The following PDSS2 variants were observed in gnomAD, a reference collection of about 807,000 sequenced individuals.
PDSS2 encodes the protein decaprenyl diphosphate synthase subunit 2.
PDSS2 carries 31 observed loss-of-function variants against 44.5 expected under a neutral mutation model. The observed-to-expected ratio is 0.70, with a 90% CI of 0.52 to 0.94. PDSS2 has a LOEUF of 0.94. Among genes scored for constraint, PDSS2 ranks in the 40% least tolerant of loss-of-function variants. PDSS2 has a pLI of 0.00. For synonymous variants in PDSS2, 157 were observed against 180.3 expected (o/e 0.87, Z 1.03); for missense variants, 452 against 482.2 (o/e 0.94, Z 0.59).
intron 3 of PDSS2, among the ~76,000 whole-genome samples, chr6:107,262,057 C>T (rs961610650): frequency 6.6e-5 from 10 of 151,572 alleles, no homozygotes; most frequent in Admixed American, 4.0e-4. Flanking sequence ...TACAGGCGCC[C>T]GCCACCACGC....
chr6:107,318,913 A>C (rs896327439), intron 2 of PDSS2, among the ~76,000 whole-genome samples: 1 of 152,044 alleles, frequency 6.6e-6, no homozygotes, highest in Non-Finnish European at 1.5e-5. Context: ...ACTTGAACCC[A>C]GGAGACAGAG....
intron 1 of PDSS2, among the ~76,000 whole-genome samples, chr6:107,449,933 T>C (rs1250123742): frequency 6.6e-6 from 1 of 152,186 alleles, no homozygotes; most frequent in African/African-American, 2.4e-5. Flanking sequence ...TTGTTAATCC[T>C]ATCAACCATC....
rs563120917 is a variant in PDSS2, at chr6:107,239,133, C to T, written c.702+6415G>A. On this transcript the variant is annotated intron_variant, in intron 4 of 7. Coordinates refer to ENST00000369037, the MANE Select transcript of PDSS2 (RefSeq NM_020381.4). Reference sequence around the variant, plus strand: ...CTCTACTAAAAATACAAAAATTAGCCGGGCATGGTGGTACACACCTGTAAT... The same window carrying T: ...CTCTACTAAAAATACAAAAATTAGCTGGGCATGGTGGTACACACCTGTAAT... Among the ~76,000 whole-genome samples the T allele has an allele frequency of 4.6e-4, 70 of 152,008 alleles. 1 individual carries two copies. The highest frequency in any genetic ancestry group is 3.9e-4 in the East Asian group (2 of 5,164).
intron 1 of PDSS2, among the ~76,000 whole-genome samples, chr6:107,342,964 T>C (rs1032824826): frequency 1.3e-5 from 2 of 152,082 alleles, no homozygotes; most frequent in Admixed American, 6.6e-5. Flanking sequence ...GAGTGAGTGG[T>C]ACGATTTTAT....
rs145805747 is a variant in PDSS2 at position 107,425,593 on chromosome 6, T to G, written c.296+33397A>C. 4.7e-3 allele frequency among the ~76,000 whole-genome samples: 722 copies of G among 152,324 alleles called. 4 individuals carry two copies. The highest frequency in any genetic ancestry group is 0.016 in the African/African-American group (674 of 41,566). The stretch of plus-strand genomic sequence containing the variant: ...AGCAGCAAAGCATTCAAGGGATGAC[T>G]TGGGTGCTGTTAAACGGATTCAGTT... On this transcript the variant is annotated intron_variant, in intron 1 of 7. Transcript: ENST00000369037.
chr6:107,337,069 ACACACAC>A (rs1777927813), intron 1 of PDSS2, among the ~76,000 whole-genome samples: 8 of 151,108 alleles, frequency 5.3e-5, no homozygotes, highest in Non-Finnish European at 7.4e-5. Context: ...ACACACACAC[ACACACAC>A]AAATAATAAT....
rs899881642 is a variant in PDSS2, at chr6:107,192,523, G to A, written c.1041+1299C>T. 13 of 371,634 alleles carry A rather than the reference G, an allele frequency of 3.5e-5. No homozygotes were observed. In the Admixed American group the frequency reaches 4.4e-4, roughly 13 times the overall value. 23.0% of individuals were successfully genotyped at this position (371,634 alleles called of 1,614,324 possible). On this transcript the variant is annotated intron_variant, in intron 7 of 7. Transcript: ENST00000369037. ...TGCTCCTAGTAAATCTGTAAGAAAA[G>A]CTTCCCACACCCTACCGCAAATGGC...
At chr6:107,334,098 G>T in intron 2 of PDSS2, 100 bp downstream of exon 2, 1 of 1,072,562 alleles carries the variant, frequency 9.3e-7, no homozygotes. Flanking sequence ...ATCTATCTTT[G>T]AATCAGAGAA....
In PDSS2 at chr6:107,245,550, T is replaced by C. The variant is rs372737420; in HGVS notation, c.700A>G (p.Lys234Glu). 4.3e-5 allele frequency: 66 copies of C among 1,551,482 alleles called. No homozygotes were observed. The highest frequency in any genetic ancestry group is 5.7e-5 in the Non-Finnish European group (64 of 1,127,668). The change falls in exon 4 of 8, where the codon AAG (lysine) becomes GAG (glutamate). Residue 234 changes from lysine (K) to glutamate (E), a missense_variant and splice_region_variant. Coordinates refer to ENST00000369037, the MANE Select transcript of PDSS2 (RefSeq NM_020381.4). ...TTTATGACTCTGAAATCCTTTACCTTTGAAGTAGAATTTTCATGATATACT... is the reference window on the plus strand; with the variant it reads ...TTTATGACTCTGAAATCCTTTACCTCTGAAGTAGAATTTTCATGATATACT... ...QGVYHENSTS[K>E]ESYITDDIGI...
rs752079360 is a variant in PDSS2 at position 107,210,546 on chromosome 6, T to C, written c.901A>G (p.Ile301Val). 4 of 1,600,052 alleles carry C rather than the reference T, an allele frequency of 2.5e-6. No homozygotes were observed. Among genetic ancestry groups the C allele is most frequent in the East Asian group, 2.2e-5 (1 of 44,710 alleles). Residue 301 changes from isoleucine to valine, a missense_variant, in exon 6 of 8, where the codon ATT becomes GTT. Transcript: ENST00000369037. ...ATGGAGTCACTGGTCTTTTCTTTAATAAAAGGCTGGACATCAGAATTTATC... is the reference window on the plus strand; with the variant it reads ...ATGGAGTCACTGGTCTTTTCTTTAACAAAAGGCTGGACATCAGAATTTATC... ...HKINSDVQPF[I>V]KEKTSDSMTF...
At chr6:107,225,622 G>A (rs1033809283) in intron 4 of PDSS2, among the ~76,000 whole-genome samples, 4 of 152,040 alleles carry the variant, frequency 2.6e-5, no homozygotes, top group African/African-American at 9.7e-5. Flanking sequence ...CACAGATGAA[G>A]TTCGTGATTA....
chr6:107,358,844 A>T (rs1023196769), intron 1 of PDSS2, among the ~76,000 whole-genome samples: 1 of 152,068 alleles, frequency 6.6e-6, no homozygotes, highest in Non-Finnish European at 1.5e-5. Context: ...TAATAGCCAA[A>T]AATGTCTCTA....
chr6:107,243,198 A>G (rs955462695), intron 4 of PDSS2, among the ~76,000 whole-genome samples: 1 of 152,216 alleles, frequency 6.6e-6, no homozygotes, highest in South Asian at 2.1e-4. Flanking sequence ...ACATGTTAAT[A>G]TATTAACAAA....
intron 4 of PDSS2, among the ~76,000 whole-genome samples, chr6:107,241,352 T>C (rs1774421104): frequency 2.2e-5 from 3 of 136,830 alleles, no homozygotes; most frequent in South Asian, 2.7e-4. Context: ...TTCTTTTTTT[T>C]TTTTTTTTTT....
chr6:107,204,231 G>A lies in PDSS2; in HGVS notation c.1008+6208C>T, dbSNP rs149918547. ...GCTGGGATTACAGGCATAAGCCACC[G>A]CGCACTGCTTATAATATAATGTTTT... On this transcript the variant is annotated intron_variant, in intron 6 of 7. Coordinates refer to ENST00000369037, the MANE Select transcript of PDSS2 (RefSeq NM_020381.4). 9.8e-3 allele frequency among the ~76,000 whole-genome samples: 1,498 copies of A among 152,156 alleles called. 13 individuals are homozygous for A. Among genetic ancestry groups the A allele is most frequent in the South Asian group, 0.025 (121 of 4,814 alleles).
At chr6:107,177,801 CT>C (rs1202727867) in intron 7 of PDSS2, among the ~76,000 whole-genome samples, 3 of 152,202 alleles carry the variant, frequency 2.0e-5, no homozygotes, top group Non-Finnish European at 4.4e-5. Flanking sequence ...TTGCCTGTAG[CT>C]TTTTTAGGAG....
chr6:107,386,218 G>T (rs919949653), intron 1 of PDSS2, among the ~76,000 whole-genome samples: 2 of 152,038 alleles, frequency 1.3e-5, no homozygotes, highest in African/African-American at 4.8e-5. Flanking sequence ...TGAAAAAAAT[G>T]ATCCACTTTT....
chr6:107,251,164 C>A (rs1275654229), intron 3 of PDSS2, among the ~76,000 whole-genome samples: 1 of 152,114 alleles, frequency 6.6e-6, no homozygotes, highest in Non-Finnish European at 1.5e-5. Flanking sequence ...ACAAGGAAAT[C>A]TTTAGAAAAA....
At chr6:107,414,163 G>T (rs565153090) in intron 1 of PDSS2, among the ~76,000 whole-genome samples, 1 of 152,212 alleles carries the variant, frequency 6.6e-6, no homozygotes, top group Non-Finnish European at 1.5e-5. Flanking sequence ...AAGCCAAAGT[G>T]GGACTTACAT....
Sources: allele counts gnomAD v4.1 joint callset (sites outside exome capture counted in the v4.1 genomes callset), GRCh38; gene constraint gnomAD v4.1.1; transcripts MANE v1.5; gene names NCBI Gene and HGNC (gene_info 2026-07-23, HGNC 2026-07-21).